Variants in CTDSPL observed in about 807,000 individuals in gnomAD.
CTDSPL encodes the protein CTD small phosphatase-like protein.
Under a neutral mutation model 30.5 loss-of-function variants are expected in CTDSPL, and 8 were observed. The ratio of observed to expected loss-of-function variants is 0.26; its 90% CI spans 0.15 to 0.47. CTDSPL has a LOEUF of 0.47. Ranked by LOEUF, CTDSPL falls within the 20% of genes least tolerant of loss-of-function variation. CTDSPL has a pLI of 0.99. For missense variants in CTDSPL, 248 were observed against 366.1 expected (o/e 0.68, Z 2.63); for synonymous variants, 110 against 137.9 (o/e 0.80, Z 1.42).
chr3:37,861,989 G>T lies in CTDSPL; in HGVS notation c.-211G>T. The T allele has an allele frequency of 6.8e-6, 1 of 146,230 alleles. No individual in the cohort carries two copies. The highest frequency in any genetic ancestry group is 2.0e-4 in the South Asian group (1 of 5,028). The allele number at this position is 146,230 out of a possible 1,614,324, so 9.1% of individuals were successfully genotyped here. A position where few individuals can be genotyped will look rare whatever the true frequency, so the allele number is the denominator to read the frequency against. ...GCTCCGGGGTTCATGGTGACGAGGC[G>T]GCGGCCGCTCGAGCCCAGCGGCGGC... On this transcript the variant is annotated 5_prime_UTR_variant, in exon 1 of 8. Coordinates refer to ENST00000273179, the MANE Select transcript of CTDSPL (RefSeq NM_001008392.2).
intron 1 of CTDSPL, among the ~76,000 whole-genome samples, chr3:37,898,515 A>G (rs2125599999): frequency 6.6e-6 from 1 of 152,296 alleles, no homozygotes; most frequent in South Asian, 2.1e-4. Flanking sequence ...TAATAATAAT[A>G]TTACTAGTGC....
chr3:37,867,851 T>G (rs1698029255), intron 1 of CTDSPL, among the ~76,000 whole-genome samples: 1 of 152,208 alleles, frequency 6.6e-6, no homozygotes, highest in Non-Finnish European at 1.5e-5. Flanking sequence ...ATGAATTCAT[T>G]TTTTGTAGCT....
intron 1 of CTDSPL, among the ~76,000 whole-genome samples, chr3:37,874,640 G>A (rs1387364095): frequency 1.3e-5 from 2 of 152,160 alleles, no homozygotes; most frequent in Non-Finnish European, 2.9e-5. Context: ...TGAGGCAGGA[G>A]AATTGCTTGA....
intron 1 of CTDSPL, among the ~76,000 whole-genome samples, chr3:37,910,541 T>C (rs753619048): frequency 1.3e-5 from 2 of 152,192 alleles, no homozygotes; most frequent in African/African-American, 4.8e-5. Flanking sequence ...TTTTACTTGC[T>C]AAACTCCAGT....
At chr3:37,938,500 C>A (rs1698939607) in intron 1 of CTDSPL, among the ~76,000 whole-genome samples, 1 of 150,040 alleles carries the variant, frequency 6.7e-6, no homozygotes, top group Non-Finnish European at 1.5e-5. Context: ...GAAATGCACC[C>A]TCAGCCTATG....
At chr3:37,974,698 T>C (rs1415920281) in intron 6 of CTDSPL, among the ~76,000 whole-genome samples, 1 of 152,224 alleles carries the variant, frequency 6.6e-6, no homozygotes, top group African/African-American at 2.4e-5. Context: ...TCCGCAACTG[T>C]GAGCTGGGCT....
In CTDSPL at chr3:37,981,128, A is replaced by AT; in HGVS notation, c.*261_*262insT. 5.8e-5 allele frequency: 11 copies of AT among 189,096 alleles called. No individual in the cohort carries two copies. Among genetic ancestry groups the AT allele is most frequent in the Non-Finnish European group, 9.6e-5 (9 of 93,412 alleles). 11.7% of individuals were successfully genotyped at this position (189,096 alleles called of 1,614,324 possible). Reference sequence around the variant, plus strand: ...AAAACATACCAAAAAAGAAAAAAATAGAAAAAAAAAAAAAAAAAGCTTGAT... The same window carrying AT: ...AAAACATACCAAAAAAGAAAAAAATATGAAAAAAAAAAAAAAAAAGCTTGAT... On this transcript the variant is annotated 3_prime_UTR_variant, in exon 8 of 8. Transcript: ENST00000273179.
intron 2 of CTDSPL, among the ~76,000 whole-genome samples, chr3:37,949,656 C>T (rs186245958): frequency 6.6e-6 from 1 of 152,346 alleles, no homozygotes; most frequent in Admixed American, 6.5e-5. Flanking sequence ...TTCTCCTTCC[C>T]TCTGTACTTC....
intron 3 of CTDSPL, 91 bp from the exon 4 acceptor site, chr3:37,964,480 C>A: frequency 1.2e-6 from 1 of 803,286 alleles, no homozygotes; most frequent in Non-Finnish European, 2.1e-6. Flanking sequence ...TACGCTTGAC[C>A]AGGCATTTAA....
chr3:37,884,834 T>G (rs1161733676), intron 1 of CTDSPL, among the ~76,000 whole-genome samples: 1 of 150,186 alleles, frequency 6.7e-6, no homozygotes, highest in Non-Finnish European at 1.5e-5. Flanking sequence ...AATTTCTTGG[T>G]GAAATCAGAG....
At position 37,982,488 on chromosome 3, in the gene CTDSPL, G is replaced by T. The variant is rs1699503506; in HGVS notation, c.*1621G>T. 4.4e-6 allele frequency: 2 copies of T among 455,278 alleles called. No individual in the cohort carries two copies. The highest frequency in any genetic ancestry group is 8.9e-6 in the Non-Finnish European group (2 of 225,926). 28.2% of individuals were successfully genotyped at this position (455,278 alleles called of 1,614,324 possible). A position where few individuals can be genotyped will look rare whatever the true frequency, so the allele number is the denominator to read the frequency against. The stretch of plus-strand genomic sequence containing the variant: ...GGGTTGGTCTTCAGCCAGCATTCTG[G>T]TGGGAGTGACTGGCATTAACAAGAC... On this transcript the variant is annotated 3_prime_UTR_variant, in exon 8 of 8. Transcript: ENST00000273179.
rs905796973 is a variant in CTDSPL at position 37,862,555 on chromosome 3, A to G, written c.79+277A>G. Among the ~76,000 whole-genome samples the G allele has an allele frequency of 6.6e-6, 1 of 152,022 alleles. No individual in the cohort carries two copies. Among genetic ancestry groups the G allele is most frequent in the South Asian group, 2.1e-4 (1 of 4,826 alleles). Reference sequence around the variant, plus strand: ...TTGTGTGCGCGCACGCCCGCAGAGAAGTTGTGAGCCTGTGTGTGCACCTAA... The same window carrying G: ...TTGTGTGCGCGCACGCCCGCAGAGAGGTTGTGAGCCTGTGTGTGCACCTAA... On this transcript the variant is annotated intron_variant, in intron 1 of 7. Transcript: ENST00000273179. The surrounding 1 kb of genome is among the most constrained non-coding windows in gnomAD (Gnocchi z 4.3).
chr3:37,930,967 T>A (rs1373079972), intron 1 of CTDSPL, among the ~76,000 whole-genome samples: 1 of 152,196 alleles, frequency 6.6e-6, no homozygotes, highest in African/African-American at 2.4e-5. Context: ...ACTTAAAGTC[T>A]TTTTGGTCTG....
At chr3:37,879,413 G>T (rs1336679018) in intron 1 of CTDSPL, among the ~76,000 whole-genome samples, 7 of 152,236 alleles carry the variant, frequency 4.6e-5, no homozygotes, top group Non-Finnish European at 8.8e-5. Flanking sequence ...GCTCTGAAAT[G>T]TTGGATTAAA....
intron 2 of CTDSPL, among the ~76,000 whole-genome samples, chr3:37,951,488 C>A (rs1157550575): frequency 6.6e-6 from 1 of 152,080 alleles, no homozygotes; most frequent in African/African-American, 2.4e-5. Context: ...CCAGCCTGGG[C>A]AACATAGGGA....
chr3:37,981,032 C>A lies in CTDSPL; in HGVS notation c.*165C>A. Reference sequence around the variant, plus strand: ...TGTTTTGTTTTTTTAAGAACAGAAACAACTATTTTAAAAGAACTCTTTTAA... The same window carrying A: ...TGTTTTGTTTTTTTAAGAACAGAAAAAACTATTTTAAAAGAACTCTTTTAA... On this transcript the variant is annotated 3_prime_UTR_variant, in exon 8 of 8. Transcript: ENST00000273179. 7.1e-6 allele frequency: 4 copies of A among 560,602 alleles called. No homozygotes were observed. The highest frequency in any genetic ancestry group is 9.8e-5 in the East Asian group (2 of 20,482). 34.7% of individuals were successfully genotyped at this position (560,602 alleles called of 1,614,324 possible). A position where few individuals can be genotyped will look rare whatever the true frequency, so the allele number is the denominator to read the frequency against.
chr3:37,866,468 G>T (rs1698010783), intron 1 of CTDSPL, among the ~76,000 whole-genome samples: 1 of 152,094 alleles, frequency 6.6e-6, no homozygotes, highest in African/African-American at 2.4e-5. Flanking sequence ...TTTGCCTTTT[G>T]TTTAAATATT....
intron 1 of CTDSPL, among the ~76,000 whole-genome samples, chr3:37,909,593 A>G (rs751032133): frequency 1.3e-5 from 2 of 152,236 alleles, no homozygotes; most frequent in Admixed American, 6.5e-5. Flanking sequence ...CTGGTAACCA[A>G]CTTCCTGTTT....
chr3:37,956,034 T>C (rs71323646), intron 2 of CTDSPL, among the ~76,000 whole-genome samples: 3,525 of 152,326 alleles, frequency 0.023, 66 homozygotes, highest in Non-Finnish European at 0.034. Context: ...CCTTGAGTGA[T>C]GTCAGAAGGA....
Sources: gnomAD v4.1 joint callset for allele counts (sites outside exome capture counted in the v4.1 genomes callset) on GRCh38, gnomAD v4.1.1 for gene constraint, Gnocchi (gnomAD v3.1) non-coding constraint, MANE v1.5 for transcripts, NCBI Gene and HGNC (gene_info 2026-07-23, HGNC 2026-07-21) for gene names.